CEP128: variants seen among roughly 807,000 people sequenced by gnomAD.
The protein encoded by CEP128 is centrosomal protein 128, also known as centrosomal protein 128kDa.
A neutral mutation model predicts 156.7 loss-of-function variants in CEP128; 132 were observed. The observed-to-expected ratio is 0.84, with a 90% CI of 0.73 to 0.97. The LOEUF is 0.97. CEP128 is among the 50% of genes least tolerant of loss of function. The pLI, the probability that CEP128 is intolerant of heterozygous loss-of-function variation, is 0.00. For missense variants in CEP128, 1,252 were observed against 1,281.9 expected, an observed-to-expected ratio of 0.98 and a Z score of 0.36; for synonymous variants, 469 against 448.9, an observed-to-expected ratio of 1.04 and a Z score of -0.57.
intron 9 of CEP128, among the ~76,000 whole-genome samples, chr14:80,855,540 T>C (rs984284802): frequency 6.6e-6 from 1 of 152,038 alleles, no homozygotes; most frequent in Non-Finnish European, 1.5e-5. Context: ...TATGAATAAC[T>C]GTATGCAAAA....
chr14:80,731,234 T>C (rs771474320), intron 19 of CEP128, among the ~76,000 whole-genome samples: 12 of 152,196 alleles, frequency 7.9e-5, no homozygotes, highest in Non-Finnish European at 1.2e-4. Flanking sequence ...TTTGATATGC[T>C]ATATAGCAGT....
At chr14:80,734,846 CAAAAAAA>C (rs397798792) in intron 19 of CEP128, among the ~76,000 whole-genome samples, 80 of 62,070 alleles carry the variant, frequency 1.3e-3, no homozygotes, top group African/African-American at 2.0e-3. Context: ...GACCCCATCT[CAAAAAAA>C]AAAAAAAAAA....
intron 19 of CEP128, among the ~76,000 whole-genome samples, chr14:80,705,355 G>A (rs12588374): frequency 0.12 from 18,555 of 151,890 alleles, 1,525 homozygotes; most frequent in East Asian, 0.43. Context: ...AACTTTTCCA[G>A]TCTAAATAGT....
chr14:80,584,360 G>A (rs1891723950), intron 19 of CEP128, among the ~76,000 whole-genome samples: 1 of 151,906 alleles, frequency 6.6e-6, no homozygotes, highest in Admixed American at 6.6e-5. Context: ...TAGATGGGCT[G>A]GTCTTGAACT....
At position 80,570,554 on chromosome 14, in the gene CEP128, G is replaced by A. The variant is rs1464492411; in HGVS notation, c.2856+9820C>T. On this transcript the variant is annotated intron_variant, in intron 20 of 24. Coordinates refer to ENST00000555265, the MANE Select transcript of CEP128 (RefSeq NM_152446.5). ...ATGTTGTGATTAAATGTAGGGGGTC[G>A]GGGAGGCTGGTCTGTAATCCAGCTC... Among the ~76,000 whole-genome samples the A allele has an allele frequency of 3.9e-5, 6 of 152,084 alleles. No homozygotes were observed. In the East Asian group the frequency reaches 5.8e-4, roughly 15 times the overall value.
chr14:80,519,912 G>A (rs1367184444), intron 23 of CEP128, among the ~76,000 whole-genome samples: 1 of 152,148 alleles, frequency 6.6e-6, no homozygotes, highest in Non-Finnish European at 1.5e-5. Flanking sequence ...TGCTGTGGTG[G>A]AAGCTGGGAA....
chr14:80,604,084 T>G (rs1277472486), intron 19 of CEP128, among the ~76,000 whole-genome samples: 1 of 152,172 alleles, frequency 6.6e-6, no homozygotes, highest in African/African-American at 2.4e-5. Flanking sequence ...TTCTAAAACA[T>G]CTCCTGAAAT....
intron 15 of CEP128, among the ~76,000 whole-genome samples, chr14:80,781,450 C>G (rs1477236116): frequency 9.4e-6 from 1 of 106,094 alleles, no homozygotes; most frequent in East Asian, 3.2e-4. Flanking sequence ...AGCGAGACTC[C>G]GTCTCAAAAA....
At chr14:80,771,468 T>C (rs979274939) in intron 16 of CEP128, among the ~76,000 whole-genome samples, 2 of 152,228 alleles carry the variant, frequency 1.3e-5, no homozygotes, top group Admixed American at 6.5e-5. Flanking sequence ...TAAAGATCCA[T>C]ATGTTGTATA....
At chr14:80,516,135 T>A (rs1193105894) in intron 23 of CEP128, among the ~76,000 whole-genome samples, 1 of 152,178 alleles carries the variant, frequency 6.6e-6, no homozygotes, top group Non-Finnish European at 1.5e-5. Flanking sequence ...CCCAAAGTGC[T>A]GGGATTACAG....
At chr14:80,570,601 T>C (rs940320985) in intron 20 of CEP128, among the ~76,000 whole-genome samples, 16 of 152,314 alleles carry the variant, frequency 1.1e-4, no homozygotes, top group African/African-American at 3.4e-4. Flanking sequence ...AAACAGTCTA[T>C]ACTAACCTCA....
chr14:80,927,399 G>A (rs1783574875), intron 2 of CEP128, among the ~76,000 whole-genome samples: 1 of 152,138 alleles, frequency 6.6e-6, no homozygotes, highest in African/African-American at 2.4e-5. Flanking sequence ...GACACAGCTG[G>A]GGCTCCTCCC....
intron 19 of CEP128, among the ~76,000 whole-genome samples, chr14:80,647,102 CACATACACACACACACACACACAT>C (rs1894690761): frequency 9.4e-6 from 1 of 106,282 alleles, no homozygotes; most frequent in African/African-American, 3.3e-5. Flanking sequence ...CTTATAAATA[CACATACACACACACACACACACAT>C]ACACACACAC....
intron 19 of CEP128, among the ~76,000 whole-genome samples, chr14:80,635,688 C>A (rs1318954952): frequency 1.3e-5 from 2 of 152,188 alleles, no homozygotes; most frequent in Non-Finnish European, 2.9e-5. Context: ...TATCAGCGAA[C>A]AAAGGAACTT....
chr14:80,796,524 C>T (rs1034496940), intron 13 of CEP128, among the ~76,000 whole-genome samples: 1 of 152,038 alleles, frequency 6.6e-6, no homozygotes, highest in Non-Finnish European at 1.5e-5. Context: ...TAACCCCTTG[C>T]TCATTCTAAC....
At chr14:80,542,138 G>A (rs1222690546) in intron 21 of CEP128, among the ~76,000 whole-genome samples, 2 of 152,152 alleles carry the variant, frequency 1.3e-5, no homozygotes, top group African/African-American at 4.8e-5. Flanking sequence ...CCCATCCTTA[G>A]TATTTCCTAT....
chr14:80,691,504 T>C (rs989836796), intron 19 of CEP128, among the ~76,000 whole-genome samples: 9 of 152,168 alleles, frequency 5.9e-5, no homozygotes, highest in African/African-American at 2.2e-4. Flanking sequence ...CAACAGTTGA[T>C]TGGGGCTGAC....
intron 19 of CEP128, among the ~76,000 whole-genome samples, chr14:80,725,542 A>G (rs1258139821): frequency 2.0e-5 from 3 of 152,046 alleles, no homozygotes; most frequent in Non-Finnish European, 4.4e-5. Context: ...CTATTCCAGA[A>G]CACAAGTTCC....
At chr14:80,743,844 T>TTTTC (rs1041368514) in intron 18 of CEP128, among the ~76,000 whole-genome samples, 34 of 151,898 alleles carry the variant, frequency 2.2e-4, no homozygotes, top group African/African-American at 7.7e-4. Context: ...ACCTACCTTT[T>TTTTC]TTTCTTTCTT....
Sources: gnomAD v4.1 joint callset for allele counts (sites outside exome capture counted in the v4.1 genomes callset) on GRCh38, gnomAD v4.1.1 for gene constraint, MANE v1.5 for transcripts, NCBI Gene and HGNC (gene_info 2026-07-23, HGNC 2026-07-21) for gene names.